Variants in MEGF6 observed in about 807,000 individuals in gnomAD.
The protein encoded by MEGF6 is multiple epidermal growth factor-like domains protein 6.
Under a neutral mutation model 207.1 loss-of-function variants are expected in MEGF6, and 184 were observed. The ratio of observed to expected loss-of-function variants is 0.89; its 90% CI spans 0.79 to 1.00. The LOEUF is 1.00. MEGF6 is among the 50% of genes least tolerant of loss of function. The pLI is 0.00. For synonymous variants in MEGF6, 1,038 were observed against 910.0 expected (o/e 1.14, Z -2.53); for missense variants, 2,282 against 2,202.9 (o/e 1.04, Z -0.72).
chr1:3,521,543 A>G (rs1641747089), intron 5 of MEGF6, among the ~76,000 whole-genome samples: 1 of 152,152 alleles, frequency 6.6e-6, no homozygotes, highest in African/African-American at 2.4e-5. Context: ...TGGGTCCCTC[A>G]GCAACAAGAA....
chr1:3,532,557 C>A lies in MEGF6; in HGVS notation c.482-8311G>T, dbSNP rs985299647. Among the ~76,000 whole-genome samples the A allele has an allele frequency of 8.5e-5, 13 of 152,240 alleles. 1 individual carries two copies. Among genetic ancestry groups the A allele is most frequent in the Admixed American group, 3.3e-4 (5 of 15,290 alleles). ...CTTTCCAGGAAGGCCCGAAAATCTC[C>A]CTCCGAAATGCAGTGGAAGTGTCCC... On this transcript the variant is annotated intron_variant, in intron 4 of 36. Transcript: ENST00000356575.
chr1:3,596,366 C>T (rs1253679285), intron 2 of MEGF6, among the ~76,000 whole-genome samples: 7 of 151,982 alleles, frequency 4.6e-5, no homozygotes, highest in Non-Finnish European at 8.8e-5. Context: ...TGACGTCCCC[C>T]TCCCCAAGTC....
At chr1:3,536,827 G>A (rs1642343424) in intron 4 of MEGF6, among the ~76,000 whole-genome samples, 1 of 152,218 alleles carries the variant, frequency 6.6e-6, no homozygotes, top group South Asian at 2.1e-4. Flanking sequence ...CTTGGGGCTG[G>A]GCCCTGACTC....
intron 4 of MEGF6, among the ~76,000 whole-genome samples, chr1:3,533,247 T>A (rs948382121): frequency 2.6e-5 from 4 of 152,150 alleles, no homozygotes; most frequent in Non-Finnish European, 5.9e-5. Context: ...CTGTCTGCCA[T>A]CCAGAGGCCA....
At chr1:3,523,234 CCAGA>C (rs1224039860) in intron 5 of MEGF6, among the ~76,000 whole-genome samples, 14 of 152,170 alleles carry the variant, frequency 9.2e-5, no homozygotes, top group African/African-American at 1.2e-4. Flanking sequence ...CCCATGCCTC[CCAGA>C]CAGAGACCAG....
In MEGF6 at chr1:3,595,329, G is replaced by T. The variant is rs760545407; in HGVS notation, c.376+9C>A. On this transcript the variant is annotated intron_variant, in intron 3 of 36. Transcript: ENST00000356575. The stretch of plus-strand genomic sequence containing the variant: ...GGAGGGAGGGCGGGGAGGCGCAGGC[G>T]GCACTCACCCGAGAGGCAGCCCTCC... The T allele has an allele frequency of 1.1e-5, 18 of 1,600,378 alleles. No homozygotes were observed. The highest frequency in any genetic ancestry group is 1.5e-5 in the Non-Finnish European group (18 of 1,169,230).
intron 4 of MEGF6, among the ~76,000 whole-genome samples, chr1:3,570,360 G>A (rs1178246069): frequency 2.0e-5 from 3 of 152,170 alleles, no homozygotes; most frequent in East Asian, 1.9e-4. Flanking sequence ...TGGCTCCCAC[G>A]GGGAAGCGGG....
chr1:3,550,508 G>A (rs2101585603), intron 4 of MEGF6, among the ~76,000 whole-genome samples: 1 of 88,422 alleles, frequency 1.1e-5, no homozygotes, highest in East Asian at 2.1e-4. Flanking sequence ...ATGTTTCAAA[G>A]GGGTTATTTT....
chr1:3,506,079 T>G (rs749949870), intron 15 of MEGF6, 29 bp downstream of exon 15: 2 of 1,569,898 alleles, frequency 1.3e-6, no homozygotes, highest in Non-Finnish European at 1.7e-6. Context: ...GCCACCACCA[T>G]GGACACTGGA....
rs1643183087 is a variant in MEGF6, at chr1:3,560,962, G to A, written c.481+18863C>T. Among the ~76,000 whole-genome samples, 1 of 152,194 alleles carries A rather than the reference G, an allele frequency of 6.6e-6. No homozygotes were observed. Among genetic ancestry groups the A allele is most frequent in the South Asian group, 2.1e-4 (1 of 4,828 alleles). On this transcript the variant is annotated intron_variant, in intron 4 of 36. Transcript: ENST00000356575. This position sits in a 1 kb window ranked among gnomAD's most constrained non-coding sequence, Gnocchi z 4.0. ...AGTGCCCCAGGGGCTTCGGAGGGCA[G>A]GGGTCAGCTCTAGGCCCTTCTGTAC...
At chr1:3,620,030 T>C in the MEGF6 span, among the ~76,000 whole-genome samples, 1 of 151,490 alleles carries the variant, frequency 6.6e-6, no homozygotes, top group Non-Finnish European at 1.5e-5. Flanking sequence ...GGAGCAAAGC[T>C]ATATTTTAGT....
chr1:3,498,265 C>A, intron 26 of MEGF6, 106 bp downstream of exon 26: 1 of 1,380,140 alleles, frequency 7.2e-7, no homozygotes, highest in Middle Eastern at 2.6e-4. Context: ...CAACAGGTCC[C>A]CTGGTGAGGC....
intron 4 of MEGF6, among the ~76,000 whole-genome samples, chr1:3,578,369 TC>T (rs778897836): frequency 9.2e-5 from 14 of 152,086 alleles, no homozygotes; most frequent in Non-Finnish European, 1.9e-4. Flanking sequence ...AAATGACAGC[TC>T]CCAAGAAGCC....
chr1:3,547,804 C>A (rs1642763742), intron 4 of MEGF6, among the ~76,000 whole-genome samples: 1 of 152,196 alleles, frequency 6.6e-6, no homozygotes, highest in Non-Finnish European at 1.5e-5. Flanking sequence ...TGCGCCTCTG[C>A]CTGGTTCAGG....
At chr1:3,576,163 G>A (rs1405304275) in intron 4 of MEGF6, among the ~76,000 whole-genome samples, 1 of 152,248 alleles carries the variant, frequency 6.6e-6, no homozygotes, top group Non-Finnish European at 1.5e-5. Context: ...TTCACTGCAG[G>A]GCCTGCCCAG....
At chr1:3,543,236 C>A (rs1642585171) in intron 4 of MEGF6, among the ~76,000 whole-genome samples, 1 of 152,198 alleles carries the variant, frequency 6.6e-6, no homozygotes, top group South Asian at 2.1e-4. Flanking sequence ...GGGGCCGAGT[C>A]ATCACTGCAA....
At chr1:3,493,652 G>C in intron 34 of MEGF6, 119 bp downstream of exon 34, 1 of 1,372,228 alleles carries the variant, frequency 7.3e-7, no homozygotes, top group Non-Finnish European at 9.9e-7. Flanking sequence ...CAGGTGCAGA[G>C]GCAACAAGAG....
chr1:3,594,995 T>C lies in MEGF6; in HGVS notation c.376+343A>G, dbSNP rs990097958. Among the ~76,000 whole-genome samples, 1 of 151,478 alleles carries C rather than the reference T, an allele frequency of 6.6e-6. No homozygotes were observed. The highest frequency in any genetic ancestry group is 1.5e-5 in the Non-Finnish European group (1 of 67,838). Reference sequence around the variant, plus strand: ...CTGGGGGTGAGCGTGGTGTGGCAGGTAAACCCCGAACTAGGCTCAGGAGTC... The same window carrying C: ...CTGGGGGTGAGCGTGGTGTGGCAGGCAAACCCCGAACTAGGCTCAGGAGTC... On this transcript the variant is annotated intron_variant, in intron 3 of 36. Transcript: ENST00000356575. This position sits in a 1 kb window ranked among gnomAD's most constrained non-coding sequence, Gnocchi z 4.2.
the MEGF6 span, among the ~76,000 whole-genome samples, chr1:3,617,424 G>A: frequency 1.3e-5 from 2 of 152,114 alleles, no homozygotes; most frequent in African/African-American, 4.8e-5. Context: ...AGTGGGAGCT[G>A]AATGATGAGA....
Sources: gnomAD v4.1 joint callset for allele counts (sites outside exome capture counted in the v4.1 genomes callset) on GRCh38, gnomAD v4.1.1 for gene constraint, Gnocchi (gnomAD v3.1) non-coding constraint, MANE v1.5 for transcripts, NCBI Gene and HGNC (gene_info 2026-07-23, HGNC 2026-07-21) for gene names.